The following KCNMA1 variants were observed in gnomAD, a reference collection of about 807,000 sequenced individuals.
KCNMA1 encodes Calcium-activated potassium channel subunit alpha-1.
KCNMA1 carries 29 observed loss-of-function variants against 140.0 expected under a neutral mutation model. The ratio of observed to expected loss-of-function variants is 0.21; its 90% CI spans 0.15 to 0.28. The LOEUF (loss-of-function observed/expected upper bound fraction) is 0.28. Ranked by LOEUF, KCNMA1 falls within the 10% of genes least tolerant of loss-of-function variation. The pLI, the probability that KCNMA1 is intolerant of heterozygous loss-of-function variation, is 1.00. For missense variants in KCNMA1, 880 were observed against 1,602.2 expected (o/e 0.55, Z 7.70); for synonymous variants, 612 against 611.9 (o/e 1.00, Z 0.00).
intron 5 of KCNMA1, among the ~76,000 whole-genome samples, chr10:77,133,618 CA>C (rs146595446): frequency 0.23 from 34,799 of 149,644 alleles, 5,007 homozygotes; most frequent in Middle Eastern, 0.35. Flanking sequence ...GAATGTGTAA[CA>C]AAAAAAAACT....
chr10:76,967,573 C>T (rs965118525), intron 20 of KCNMA1, among the ~76,000 whole-genome samples: 1 of 152,178 alleles, frequency 6.6e-6, no homozygotes, highest in Admixed American at 6.5e-5. Flanking sequence ...TCCATCTTTG[C>T]TCCCAGGTCA....
chr10:77,241,765 A>G (rs530067246), intron 3 of KCNMA1, among the ~76,000 whole-genome samples: 1 of 152,292 alleles, frequency 6.6e-6, no homozygotes, highest in East Asian at 1.9e-4. Flanking sequence ...GTGAGCTATG[A>G]TCATGTCAGT....
intron 1 of KCNMA1, among the ~76,000 whole-genome samples, chr10:77,540,218 C>A (rs886539633): frequency 6.6e-6 from 1 of 152,138 alleles, no homozygotes; most frequent in African/African-American, 2.4e-5. Flanking sequence ...GGGTCACAGC[C>A]AAAGAGACAC....
At chr10:77,510,754 C>A (rs185338913) in intron 1 of KCNMA1, among the ~76,000 whole-genome samples, 2 of 152,190 alleles carry the variant, frequency 1.3e-5, no homozygotes, top group South Asian at 4.1e-4. Context: ...GCTATGACAG[C>A]GCCACTGCAC....
chr10:77,625,657 A>G (rs1039411976), intron 1 of KCNMA1, among the ~76,000 whole-genome samples: 10 of 152,170 alleles, frequency 6.6e-5, no homozygotes, highest in East Asian at 5.8e-4. Context: ...ATGTTCATCT[A>G]TGTGGTAGCA....
At chr10:77,595,665 T>C (rs1450719807) in intron 1 of KCNMA1, among the ~76,000 whole-genome samples, 1 of 152,094 alleles carries the variant, frequency 6.6e-6, no homozygotes, top group Admixed American at 6.5e-5. Context: ...AGGCTAGTTT[T>C]TGTTTTGTTT....
intron 6 of KCNMA1, 29 bp downstream of exon 6, chr10:77,120,944 T>A (rs2097579863): frequency 3.6e-6 from 5 of 1,373,620 alleles, no homozygotes; most frequent in Admixed American, 1.7e-5. Flanking sequence ...GGGACTGGAA[T>A]GAAAAAAATA....
chr10:77,287,726 C>T (rs2071558171), intron 2 of KCNMA1, among the ~76,000 whole-genome samples: 1 of 152,170 alleles, frequency 6.6e-6, no homozygotes, highest in Non-Finnish European at 1.5e-5. Flanking sequence ...GACACATGTG[C>T]AAGCTGAAAG....
intron 19 of KCNMA1, among the ~76,000 whole-genome samples, chr10:76,971,269 G>A (rs2076001337): frequency 6.6e-6 from 1 of 152,192 alleles, no homozygotes; most frequent in South Asian, 2.1e-4. Context: ...GACATCAAAA[G>A]AGACTTGATA....
In KCNMA1 at chr10:77,434,524, A is replaced by G. The variant is rs143432101; in HGVS notation, c.379-30501T>C. ...CCTATTAGCGTGATGCATGTCTTGGACCATTATGGATTGACATACATTCTT... is the reference window on the plus strand; with the variant it reads ...CCTATTAGCGTGATGCATGTCTTGGGCCATTATGGATTGACATACATTCTT... On this transcript the variant is annotated intron_variant, in intron 1 of 27. Coordinates refer to ENST00000286628, the MANE Select transcript of KCNMA1 (RefSeq NM_001161352.2). 2.1e-3 allele frequency among the ~76,000 whole-genome samples: 327 copies of G among 152,280 alleles called. 2 individuals are homozygous for G. The highest frequency in any genetic ancestry group is 5.6e-3 in the African/African-American group (231 of 41,560).
intron 23 of KCNMA1, among the ~76,000 whole-genome samples, chr10:76,917,993 G>A (rs570775096): frequency 2.0e-5 from 3 of 152,240 alleles, no homozygotes; most frequent in Middle Eastern, 3.4e-3. Context: ...GGTGTCCACC[G>A]CATTCCTCAT....
At chr10:76,978,029 AGAT>A (rs1407748376) in intron 19 of KCNMA1, among the ~76,000 whole-genome samples, 1 of 152,212 alleles carries the variant, frequency 6.6e-6, no homozygotes, top group Non-Finnish European at 1.5e-5. Context: ...AGCGATATAT[AGAT>A]GATTATTTCA....
chr10:77,317,586 T>A (rs904211848), intron 2 of KCNMA1, among the ~76,000 whole-genome samples: 1 of 152,226 alleles, frequency 6.6e-6, no homozygotes, highest in African/African-American at 2.4e-5. Flanking sequence ...GGAGGAGGGT[T>A]GGAAGCCCAA....
chr10:77,385,209 G>A (rs2095559277), intron 2 of KCNMA1, among the ~76,000 whole-genome samples: 2 of 152,170 alleles, frequency 1.3e-5, no homozygotes, highest in Non-Finnish European at 2.9e-5. Context: ...ATATGACAAT[G>A]TGCTTTCACA....
intron 5 of KCNMA1, among the ~76,000 whole-genome samples, chr10:77,161,222 T>C (rs1333674568): frequency 6.6e-6 from 1 of 152,208 alleles, no homozygotes. Context: ...GGTAGGATTC[T>C]TCATATGGAC....
chr10:77,209,326 C>A (rs777597330), intron 3 of KCNMA1, among the ~76,000 whole-genome samples: 3 of 152,156 alleles, frequency 2.0e-5, no homozygotes, highest in Non-Finnish European at 4.4e-5. Flanking sequence ...CACCTCAGAT[C>A]AAAGCTACCC....
intron 2 of KCNMA1, among the ~76,000 whole-genome samples, chr10:77,254,180 G>GA (rs1391234808): frequency 6.7e-6 from 1 of 149,524 alleles, no homozygotes; most frequent in East Asian, 2.0e-4. Flanking sequence ...TAAGGCCCAA[G>GA]AAAAACAGAA....
intron 18 of KCNMA1, among the ~76,000 whole-genome samples, chr10:77,002,474 T>G (rs878945069): frequency 6.6e-6 from 1 of 152,222 alleles, no homozygotes; most frequent in African/African-American, 2.4e-5. Flanking sequence ...ATATTATTTC[T>G]TTTTTCCTTA....
At chr10:77,483,532 C>T (rs1345415493) in intron 1 of KCNMA1, among the ~76,000 whole-genome samples, 1 of 152,156 alleles carries the variant, frequency 6.6e-6, no homozygotes. Flanking sequence ...CTCTCTTCCC[C>T]GATCACCTGG....
Sources: gnomAD v4.1 joint callset for allele counts (sites outside exome capture counted in the v4.1 genomes callset) on GRCh38, gnomAD v4.1.1 for gene constraint, MANE v1.5 for transcripts, NCBI Gene and HGNC (gene_info 2026-07-23, HGNC 2026-07-21) for gene names.